The following PRKAG2 variants were observed in gnomAD, a reference collection of about 807,000 sequenced individuals.
The protein encoded by PRKAG2 is 5'-AMP-activated protein kinase subunit gamma-2.
Under a neutral mutation model 69.6 loss-of-function variants are expected in PRKAG2, and 26 were observed. The observed-to-expected ratio is 0.37, with a 90% CI of 0.27 to 0.52. PRKAG2 has a LOEUF of 0.52. Among genes scored for constraint, PRKAG2 ranks in the 20% least tolerant of loss-of-function variants. The probability of loss-of-function intolerance (pLI) is 0.90; values close to 1 mark genes in which losing one functional copy is unlikely to be tolerated. For synonymous variants in PRKAG2, 293 were observed against 285.0 expected (o/e 1.03, Z -0.28); for missense variants, 557 against 740.0 (o/e 0.75, Z 2.87).
chr7:151,806,876 G>C (rs1313936872), intron 1 of PRKAG2: 1 of 418,140 alleles, frequency 2.4e-6, no homozygotes, highest in South Asian at 1.8e-5. Context: ...TGAGCCACGA[G>C]AATCGCTTGA....
chr7:151,625,977 G>A (rs1256624440), intron 5 of PRKAG2, among the ~76,000 whole-genome samples: 2 of 152,224 alleles, frequency 1.3e-5, no homozygotes, highest in Non-Finnish European at 2.9e-5. Flanking sequence ...CGAAGCATGG[G>A]TAAGGACTCA....
At chr7:151,686,059 C>G (rs1006054452) in intron 3 of PRKAG2, among the ~76,000 whole-genome samples, 4 of 152,046 alleles carry the variant, frequency 2.6e-5, no homozygotes, top group African/African-American at 9.7e-5. Context: ...GAGTCTAACC[C>G]GACATGCTGA....
At chr7:151,578,990 C>G (rs1412292007) in intron 6 of PRKAG2, among the ~76,000 whole-genome samples, 1 of 152,026 alleles carries the variant, frequency 6.6e-6, no homozygotes, top group African/African-American at 2.4e-5. Flanking sequence ...AATGGGGGCA[C>G]CTTTTATGTT....
In PRKAG2 at chr7:151,843,057, C is replaced by G. The variant is rs139320340; in HGVS notation, c.114+33450G>C. Among the ~76,000 whole-genome samples the G allele has an allele frequency of 5.3e-5, 8 of 152,160 alleles. No homozygotes were observed. In the South Asian group the frequency reaches 1.7e-3, roughly 32 times the overall value. ...CAGGCATTTGAAAGACACACATACACGCAGGCCATGCTTTTAGTCATGCAA... is the reference window on the plus strand; with the variant it reads ...CAGGCATTTGAAAGACACACATACAGGCAGGCCATGCTTTTAGTCATGCAA... On this transcript the variant is annotated intron_variant, in intron 1 of 15. Coordinates refer to ENST00000287878, the MANE Select transcript of PRKAG2 (RefSeq NM_016203.4).
intron 6 of PRKAG2, among the ~76,000 whole-genome samples, chr7:151,593,321 G>A (rs1813691970): frequency 6.6e-6 from 1 of 152,156 alleles, no homozygotes; most frequent in Non-Finnish European, 1.5e-5. Flanking sequence ...CCGAGTAGCT[G>A]GGACTACAGG....
chr7:151,733,076 A>AGGGC (rs1292077528), intron 3 of PRKAG2, among the ~76,000 whole-genome samples: 1 of 152,132 alleles, frequency 6.6e-6, no homozygotes, highest in Non-Finnish European at 1.5e-5. Context: ...CTTGGGAGGG[A>AGGGC]GGGCTTGGTC....
chr7:151,817,998 G>A (rs568388026), intron 1 of PRKAG2, among the ~76,000 whole-genome samples: 9 of 152,284 alleles, frequency 5.9e-5, no homozygotes, highest in African/African-American at 2.2e-4. Flanking sequence ...ACCACAAGTT[G>A]AGAGTCCCCC....
At chr7:151,696,863 T>C (rs958468140) in intron 3 of PRKAG2, among the ~76,000 whole-genome samples, 1 of 152,114 alleles carries the variant, frequency 6.6e-6, no homozygotes, top group Non-Finnish European at 1.5e-5. Context: ...GGAGGGGCCC[T>C]GTGGAGCTGG....
intron 1 of PRKAG2, among the ~76,000 whole-genome samples, chr7:151,859,364 G>A (rs112139345): frequency 2.0e-4 from 31 of 152,340 alleles, no homozygotes; most frequent in African/African-American, 6.3e-4. Context: ...GAGGTCTGTG[G>A]GTGGAGAGGG....
intron 3 of PRKAG2, among the ~76,000 whole-genome samples, chr7:151,711,535 C>T (rs972895595): frequency 3.9e-5 from 6 of 152,182 alleles, no homozygotes; most frequent in African/African-American, 1.4e-4. Context: ...AGTGTATGCA[C>T]TTCAGAAAAT....
intron 5 of PRKAG2, 106 bp downstream of exon 5, chr7:151,631,963 G>A (rs1177790364): frequency 1.9e-6 from 2 of 1,060,956 alleles, no homozygotes; most frequent in East Asian, 5.0e-5. Flanking sequence ...GACGCAGCTC[G>A]CCGTGGGGCA....
chr7:151,753,973 C>G (rs1222003037), intron 3 of PRKAG2, among the ~76,000 whole-genome samples: 2 of 152,056 alleles, frequency 1.3e-5, no homozygotes, highest in East Asian at 1.9e-4. Flanking sequence ...GAACTGTGAT[C>G]GCACCACTGC....
At chr7:151,740,145 T>G (rs2073772636) in intron 3 of PRKAG2, among the ~76,000 whole-genome samples, 1 of 152,186 alleles carries the variant, frequency 6.6e-6, no homozygotes, top group Admixed American at 6.5e-5. Flanking sequence ...TGCTCCCTGA[T>G]GGAGCCGACT....
chr7:151,798,601 C>T (rs896099886), intron 1 of PRKAG2, among the ~76,000 whole-genome samples: 3 of 152,200 alleles, frequency 2.0e-5, no homozygotes, highest in Non-Finnish European at 2.9e-5. Context: ...AGGCATGAGC[C>T]GCTGTACCCA....
chr7:151,633,912 G>A (rs1212307365), intron 4 of PRKAG2, among the ~76,000 whole-genome samples: 1 of 152,104 alleles, frequency 6.6e-6, no homozygotes, highest in Non-Finnish European at 1.5e-5. Flanking sequence ...AAAGGTGCAA[G>A]CTCTAGAATT....
intron 1 of PRKAG2, among the ~76,000 whole-genome samples, chr7:151,800,878 C>T (rs1336300744): frequency 6.6e-6 from 1 of 152,124 alleles, no homozygotes; most frequent in Non-Finnish European, 1.5e-5. Context: ...TCAATGGTAA[C>T]AGAGGTGCCA....
intron 11 of PRKAG2, chr7:151,566,534 G>A (rs1240641944): frequency 2.3e-6 from 1 of 435,488 alleles, no homozygotes; most frequent in Non-Finnish European, 4.6e-6. Context: ...GATCATGTTT[G>A]AGTATAACAA....
At chr7:151,817,987 C>T (rs943162557) in intron 1 of PRKAG2, among the ~76,000 whole-genome samples, 3 of 152,204 alleles carry the variant, frequency 2.0e-5, no homozygotes, top group African/African-American at 7.2e-5. Context: ...GATACTCACA[C>T]ACCACAAGTT....
chr7:151,791,146 C>A (rs2077258342), intron 1 of PRKAG2, among the ~76,000 whole-genome samples: 1 of 152,178 alleles, frequency 6.6e-6, no homozygotes, highest in Non-Finnish European at 1.5e-5. Flanking sequence ...GGAAGGCTCC[C>A]CACCCCCAAT....
Sources: gnomAD v4.1 joint callset for allele counts (sites outside exome capture counted in the v4.1 genomes callset) on GRCh38, gnomAD v4.1.1 for gene constraint, MANE v1.5 for transcripts, NCBI Gene and HGNC (gene_info 2026-07-23, HGNC 2026-07-21) for gene names.